DNAAF9: variants seen among roughly 807,000 people sequenced by gnomAD.
DNAAF9 encodes the protein shulin.
A neutral mutation model predicts 167.0 loss-of-function variants in DNAAF9; 90 were observed. The observed-to-expected ratio is 0.54, with a 90% CI of 0.45 to 0.64. The LOEUF (loss-of-function observed/expected upper bound fraction) is 0.64. Ranked by LOEUF, DNAAF9 falls within the 30% of genes least tolerant of loss-of-function variation. DNAAF9 has a pLI of 0.00. For missense variants in DNAAF9, 1,315 were observed against 1,442.2 expected, an observed-to-expected ratio of 0.91 and a Z score of 1.43; for synonymous variants, 491 against 508.8, an observed-to-expected ratio of 0.96 and a Z score of 0.47.
At position 3,332,301 on chromosome 20, in the gene DNAAF9, C is replaced by T. The variant is rs776204702; in HGVS notation, c.1042G>A (p.Ala348Thr). The change falls in exon 11 of 37, where the codon GCT (alanine) becomes ACT (threonine). Residue 348 changes from alanine (A) to threonine (T), a missense_variant. Ala to Thr is a moderately conservative substitution (Grantham distance 58). Around this residue, in one of 2 missense-constraint regions of DNAAF9, gnomAD observed 981 missense variants for 1,012.5 expected, o/e 0.97. Transcript: ENST00000252032. ...TTACCCAAGTAAGGAACATGAGTAG[C>T]TCCAAAAAAGTATGTTCTCGAACAA... Reference protein sequence around the residue: ...LACSRTYFFGATHVPYLGGDS... With the variant: ...LACSRTYFFGTTHVPYLGGDS... 1 of 1,596,996 alleles carries T rather than the reference C, an allele frequency of 6.3e-7. No homozygotes were observed. Among genetic ancestry groups the T allele is most frequent in the Non-Finnish European group, 8.6e-7 (1 of 1,164,668 alleles).
At chr20:3,266,433 T>G (rs2068491151) in intron 30 of DNAAF9, among the ~76,000 whole-genome samples, 1 of 152,192 alleles carries the variant, frequency 6.6e-6, no homozygotes, top group Non-Finnish European at 1.5e-5. Flanking sequence ...AATACTGTAT[T>G]AGACTGAAGG....
At chr20:3,373,457 C>A (rs891980722) in intron 6 of DNAAF9, among the ~76,000 whole-genome samples, 1 of 152,198 alleles carries the variant, frequency 6.6e-6, no homozygotes, top group Non-Finnish European at 1.5e-5. Flanking sequence ...CCCAGACTCA[C>A]TTAAGAAATA....
At chr20:3,306,922 GT>G in intron 20 of DNAAF9, 3 of 985,226 alleles carry the variant, frequency 3.0e-6, no homozygotes, top group Non-Finnish European at 3.6e-6. Context: ...GTGTCACGAG[GT>G]AGAAACTGCT....
chr20:3,256,256 G>C (rs776336598), intron 33 of DNAAF9, 45 bp from the exon 34 acceptor site: 13 of 1,344,826 alleles, frequency 9.7e-6, no homozygotes, highest in African/African-American at 1.4e-5. Flanking sequence ...TGCCTTGAAA[G>C]GATACAGCTA....
intron 12 of DNAAF9, among the ~76,000 whole-genome samples, chr20:3,329,569 T>C (rs571178912): frequency 1.3e-5 from 2 of 152,222 alleles, no homozygotes; most frequent in Non-Finnish European, 2.9e-5. Context: ...TTATATTTCT[T>C]CTATTATATT....
At chr20:3,313,175 C>T (rs1458107090) in intron 20 of DNAAF9, among the ~76,000 whole-genome samples, 1 of 152,242 alleles carries the variant, frequency 6.6e-6, no homozygotes, top group Non-Finnish European at 1.5e-5. Context: ...GCTTTCAAAA[C>T]ACTATGCAAT....
At chr20:3,340,433 T>TCCGGGGGGGGGCCCCCCCCCCCCCCCCC in intron 10 of DNAAF9, 71 bp downstream of exon 10, 1 of 221,214 alleles carries the variant, frequency 4.5e-6, no homozygotes, top group Non-Finnish European at 9.5e-6. Flanking sequence ...TTTGTCTAGC[T>TCCGGGGGGGGGCCCCCCCCCCCCCCCCC]CCCCCCACCC....
chr20:3,260,300 C>T (rs2068359838), intron 31 of DNAAF9, among the ~76,000 whole-genome samples: 1 of 152,086 alleles, frequency 6.6e-6, no homozygotes, highest in South Asian at 2.1e-4. Flanking sequence ...GATTGCGCCA[C>T]TGCAGTCCGC....
chr20:3,330,995 T>C (rs2069818039), intron 11 of DNAAF9, among the ~76,000 whole-genome samples: 1 of 152,116 alleles, frequency 6.6e-6, no homozygotes, highest in South Asian at 2.1e-4. Flanking sequence ...TTTTGCCATG[T>C]TGGCCAGGCT....
At chr20:3,363,103 C>A (rs1230101354) in intron 6 of DNAAF9, among the ~76,000 whole-genome samples, 2 of 152,070 alleles carry the variant, frequency 1.3e-5, no homozygotes, top group African/African-American at 4.8e-5. Context: ...GTGGCACACA[C>A]CTGTAATCCC....
At chr20:3,290,299 G>C (rs960562565) in intron 25 of DNAAF9, 82 bp from the exon 26 acceptor site, 1 of 892,960 alleles carries the variant, frequency 1.1e-6, no homozygotes, top group African/African-American at 1.6e-5. Context: ...GACTTCTGGT[G>C]CCAAGCATTG....
chr20:3,377,081 TAA>T (rs2083586057), intron 3 of DNAAF9, among the ~76,000 whole-genome samples: 1 of 151,988 alleles, frequency 6.6e-6, no homozygotes, highest in African/African-American at 2.4e-5. Flanking sequence ...AAAATAAAAA[TAA>T]AAATAAATAC....
At chr20:3,278,860 A>G (rs2068717811) in intron 29 of DNAAF9, 52 bp downstream of exon 29, 12 of 1,284,426 alleles carry the variant, frequency 9.3e-6, no homozygotes, top group African/African-American at 1.5e-5. Flanking sequence ...CTATTGCTGA[A>G]TTCTACTGAA....
chr20:3,327,319 T>C (rs1364155177), intron 12 of DNAAF9, among the ~76,000 whole-genome samples: 2 of 152,076 alleles, frequency 1.3e-5, no homozygotes, highest in African/African-American at 4.8e-5. Context: ...AGCATTCCAG[T>C]TGTGATAATC....
chr20:3,403,505 C>G (rs955226763), intron 1 of DNAAF9, among the ~76,000 whole-genome samples: 1 of 149,582 alleles, frequency 6.7e-6, no homozygotes, highest in Non-Finnish European at 1.5e-5. Flanking sequence ...TGGCATTGCT[C>G]CTGTCTAACT....
chr20:3,320,209 CAT>C, intron 16 of DNAAF9, among the ~76,000 whole-genome samples: 3 of 152,198 alleles, frequency 2.0e-5, no homozygotes, highest in African/African-American at 4.8e-5. Context: ...ATATGAAGGT[CAT>C]CATATGACAC....
intron 29 of DNAAF9, among the ~76,000 whole-genome samples, chr20:3,272,475 C>G (rs2068610965): frequency 6.6e-6 from 1 of 152,090 alleles, no homozygotes. Context: ...GATCCTCATG[C>G]CTTGGCCTCC....
intron 15 of DNAAF9, 107 bp from the exon 16 acceptor site, chr20:3,322,369 T>C (rs958310040): frequency 8.8e-6 from 8 of 913,954 alleles, no homozygotes; most frequent in South Asian, 1.4e-5. Flanking sequence ...TAGATTCGGA[T>C]TGCTCTTAGG....
At chr20:3,404,462 C>T (rs1023338207) in intron 1 of DNAAF9, among the ~76,000 whole-genome samples, 3 of 152,314 alleles carry the variant, frequency 2.0e-5, no homozygotes, top group African/African-American at 7.2e-5. Flanking sequence ...TGCTACACTG[C>T]CTTTTCTTCT....
Sources: gnomAD v4.1 joint callset for allele counts (sites outside exome capture counted in the v4.1 genomes callset) on GRCh38, gnomAD v4.1.1 for gene constraint, gnomAD v4.1.1 regional missense constraint, MANE v1.5 for transcripts, NCBI Gene and HGNC (gene_info 2026-07-23, HGNC 2026-07-21) for gene names.